The following ZNF98 variants were observed in gnomAD, a reference collection of about 807,000 sequenced individuals.
ZNF98 encodes the protein zinc finger protein 98.
A neutral mutation model predicts 12.8 loss-of-function variants in ZNF98; 8 were observed. The ratio of observed to expected loss-of-function variants is 0.63; its 90% CI spans 0.37 to 1.13. ZNF98 has a LOEUF of 1.13. ZNF98 is among the 50% of genes most tolerant of loss of function. The pLI is 0.01. For missense variants in ZNF98, 379 were observed against 666.1 expected (o/e 0.57, Z 4.74); for synonymous variants, 112 against 223.5 (o/e 0.50, Z 4.45).
At chr19:22,397,203 T>TGC (rs1227174758) in intron 3 of ZNF98, among the ~76,000 whole-genome samples, 2 of 70,590 alleles carry the variant, frequency 2.8e-5, no homozygotes, top group African/African-American at 3.8e-5. Flanking sequence ...TGTGTGTGTG[T>TGC]GTGTGTTTTT....
intron 3 of ZNF98, among the ~76,000 whole-genome samples, chr19:22,393,248 G>A (rs186335838): frequency 6.6e-6 from 1 of 152,142 alleles, no homozygotes; most frequent in East Asian, 1.9e-4. Flanking sequence ...CATTTACCCA[G>A]TGCAGATCTT....
intron 3 of ZNF98, among the ~76,000 whole-genome samples, chr19:22,395,876 G>C (rs12972318): frequency 1.4e-5 from 2 of 145,734 alleles, no homozygotes; most frequent in African/African-American, 5.1e-5. Context: ...TGAGGGGGGG[G>C]AAAAAAAAAA....
At chr19:22,418,477 T>C (rs1167751391) in intron 1 of ZNF98, among the ~76,000 whole-genome samples, 3 of 152,222 alleles carry the variant, frequency 2.0e-5, no homozygotes, top group Admixed American at 1.3e-4. Flanking sequence ...CCAGAAACAG[T>C]TTATGGAAAG....
At chr19:22,407,438 G>C (rs1379796525) in intron 1 of ZNF98, among the ~76,000 whole-genome samples, 1 of 147,982 alleles carries the variant, frequency 6.8e-6, no homozygotes, top group East Asian at 2.1e-4. Context: ...TCTCGGCTGG[G>C]CACGGTGGCT....
At position 22,392,688 on chromosome 19, in the gene ZNF98, T is replaced by C. The variant is rs368285348; in HGVS notation, c.547A>G (p.Lys183Glu). The C allele has an allele frequency of 4.6e-5, 73 of 1,597,682 alleles. No homozygotes were observed. The highest frequency in any genetic ancestry group is 1.7e-4 in the South Asian group (15 of 90,032). The change falls in exon 4 of 4, where the codon AAG (lysine) becomes GAG (glutamate). Residue 183 changes from lysine to glutamate, a missense_variant. Around this residue, in one of 8 missense-constraint regions of ZNF98, gnomAD observed 223 missense variants for 261.6 expected, o/e 0.85. Transcript: ENST00000357774. Reference sequence around the variant, plus strand: ...AATGACTTTTCACATTCTTTACACTTGAAAGATTTCTTTCCAGTATGTCCT... The same window carrying C: ...AATGACTTTTCACATTCTTTACACTCGAAAGATTTCTTTCCAGTATGTCCT... ...KIGHTGKKSF[K>E]CKECEKSFCM...
At chr19:22,415,462 C>T (rs1173431085) in intron 1 of ZNF98, among the ~76,000 whole-genome samples, 1 of 152,106 alleles carries the variant, frequency 6.6e-6, no homozygotes, top group Non-Finnish European at 1.5e-5. Flanking sequence ...TGCTTCTCAA[C>T]TGTATACTGG....
intron 1 of ZNF98, among the ~76,000 whole-genome samples, chr19:22,421,599 A>G (rs1969704738): frequency 6.6e-6 from 1 of 152,220 alleles, no homozygotes; most frequent in South Asian, 2.1e-4. Flanking sequence ...TTCTAGGCTT[A>G]AAGTGAAAAT....
At position 22,402,773 on chromosome 19, in the gene ZNF98, T is replaced by C. The variant is rs1172894054; in HGVS notation, c.253+16A>G. 12 of 1,575,884 alleles carry C rather than the reference T, an allele frequency of 7.6e-6. No individual in the cohort carries two copies. Among genetic ancestry groups the C allele is most frequent in the East Asian group, 2.3e-5 (1 of 42,790 alleles). ...CATCTGTGTCGTCTGTTGTATTCAC[T>C]TTCACTCTCACCTACCTGGGGGTTC... On this transcript the variant is annotated intron_variant, in intron 3 of 3. Transcript: ENST00000357774.
intron 1 of ZNF98, among the ~76,000 whole-genome samples, chr19:22,410,963 A>G (rs1323318083): frequency 6.6e-6 from 1 of 152,238 alleles, no homozygotes; most frequent in Non-Finnish European, 1.5e-5. Context: ...TTAAAGTATC[A>G]TAATCTTTGT....
intron 1 of ZNF98, among the ~76,000 whole-genome samples, chr19:22,416,104 A>C (rs112098918): frequency 6.3e-4 from 95 of 151,032 alleles, no homozygotes; most frequent in Middle Eastern, 3.4e-3. Flanking sequence ...AAACCGTGTC[A>C]CTGCACTCCA....
chr19:22,393,737 G>T (rs1390064911), intron 3 of ZNF98, among the ~76,000 whole-genome samples: 2 of 152,046 alleles, frequency 1.3e-5, no homozygotes, highest in East Asian at 3.9e-4. Context: ...AAACCCTAGA[G>T]GAAAACCTAG....
At chr19:22,411,727 C>G (rs1969583037) in intron 1 of ZNF98, among the ~76,000 whole-genome samples, 1 of 152,114 alleles carries the variant, frequency 6.6e-6, no homozygotes, top group African/African-American at 2.4e-5. Context: ...CAGAGATAAA[C>G]AAAATATCCT....
intron 1 of ZNF98, among the ~76,000 whole-genome samples, chr19:22,417,453 G>A (rs1969658318): frequency 6.6e-6 from 1 of 151,968 alleles, no homozygotes; most frequent in South Asian, 2.1e-4. Context: ...ACCTGCATGT[G>A]TACCCCTGAA....
chr19:22,419,275 A>G (rs1289828155), intron 1 of ZNF98, among the ~76,000 whole-genome samples: 1 of 152,114 alleles, frequency 6.6e-6, no homozygotes, highest in Non-Finnish European at 1.5e-5. Context: ...CAATAACTTC[A>G]TCTTCACAAG....
At chr19:22,395,507 A>G (rs1969381313) in intron 3 of ZNF98, among the ~76,000 whole-genome samples, 1 of 152,134 alleles carries the variant, frequency 6.6e-6, no homozygotes, top group South Asian at 2.1e-4. Context: ...AATAATATCC[A>G]ATGAGTGAAA....
chr19:22,420,687 A>G (rs1476136675), intron 1 of ZNF98, among the ~76,000 whole-genome samples: 1 of 152,158 alleles, frequency 6.6e-6, no homozygotes, highest in Non-Finnish European at 1.5e-5. Flanking sequence ...ACTCTAGCAG[A>G]CATAGCCACA....
At chr19:22,398,404 T>A (rs1011382254) in intron 3 of ZNF98, among the ~76,000 whole-genome samples, 2 of 151,406 alleles carry the variant, frequency 1.3e-5, no homozygotes, top group African/African-American at 4.8e-5. Flanking sequence ...TCTCACTCTG[T>A]CACCCAAGCT....
intron 1 of ZNF98, among the ~76,000 whole-genome samples, chr19:22,419,534 A>T (rs1229001624): frequency 1.3e-5 from 2 of 152,218 alleles, no homozygotes; most frequent in African/African-American, 4.8e-5. Context: ...TTCCATTGTC[A>T]GAGTTACTAA....
chr19:22,402,420 A>T, intron 3 of ZNF98: 1 of 403,694 alleles, frequency 2.5e-6, no homozygotes, highest in Non-Finnish European at 4.3e-6. Flanking sequence ...CATGATGTAA[A>T]AACAGAACTT....
Sources: allele counts gnomAD v4.1 joint callset (sites outside exome capture counted in the v4.1 genomes callset), GRCh38; gene constraint gnomAD v4.1.1; regional missense constraint gnomAD v4.1.1; transcripts MANE v1.5; gene names NCBI Gene and HGNC (gene_info 2026-07-23, HGNC 2026-07-21).